The following SSUH2 variants were observed in gnomAD, a reference collection of about 807,000 sequenced individuals.
SSUH2 encodes the protein protein SSUH2 homolog.
In SSUH2, 47 loss-of-function variants were observed where a neutral mutation model predicts 55.3. That is an observed-to-expected ratio of 0.85 (90% CI 0.67 to 1.08). The LOEUF (loss-of-function observed/expected upper bound fraction) is 1.08, where lower values mean the gene tolerates loss of function less well. SSUH2 is among the 50% of genes least tolerant of loss of function. The pLI is 0.00. For missense variants in SSUH2, 535 were observed against 490.7 expected (o/e 1.09, Z -0.85); for synonymous variants, 212 against 191.5 (o/e 1.11, Z -0.89).
At chr3:8,679,050 G>GC (rs1230971897) in intron 2 of SSUH2, among the ~76,000 whole-genome samples, 19 of 108,534 alleles carry the variant, frequency 1.8e-4, no homozygotes, top group South Asian at 6.5e-4. Flanking sequence ...ACCAAACGCA[G>GC]GGGAGGAAGC....
At chr3:8,680,926 T>A (rs1575418031) in intron 1 of SSUH2, among the ~76,000 whole-genome samples, 1 of 152,118 alleles carries the variant, frequency 6.6e-6, no homozygotes, top group African/African-American at 2.4e-5. Flanking sequence ...ACAGGCTGGG[T>A]GAACACTGCC....
At chr3:8,657,984 G>GC (rs1311718570) in intron 7 of SSUH2, among the ~76,000 whole-genome samples, 1 of 152,240 alleles carries the variant, frequency 6.6e-6, no homozygotes, top group South Asian at 2.1e-4. Context: ...TCCAAGGCTG[G>GC]CCCTCCCTGT....
In SSUH2 at chr3:8,635,687, T is replaced by C. The variant is rs1376684218; in HGVS notation, c.127+72A>G. 5 of 1,367,304 alleles carry C rather than the reference T, an allele frequency of 3.7e-6. No individual in the cohort carries two copies. In the African/African-American group the frequency reaches 5.8e-5, roughly 16 times the overall value. 84.7% of individuals were successfully genotyped at this position (1,367,304 alleles called of 1,614,324 possible). On this transcript the variant is annotated intron_variant, in intron 2 of 11. Transcript: ENST00000544814. ...GGGAGCTATCTCAGCACCACCTTTT[T>C]CCCGAGACATCCCACCAACCAGCGT...
At chr3:8,664,834 C>T (rs1389364) in intron 5 of SSUH2, among the ~76,000 whole-genome samples, 89,888 of 152,074 alleles carry the variant, frequency 0.59, 29,131 homozygotes, top group East Asian at 0.79. Flanking sequence ...ACAACCTAAA[C>T]AGGTCATTAA....
intron 5 of SSUH2, among the ~76,000 whole-genome samples, chr3:8,667,524 T>C (rs1226674851): frequency 1.3e-5 from 2 of 152,180 alleles, no homozygotes; most frequent in South Asian, 2.1e-4. Context: ...TCTCACCCAT[T>C]TGATGGAGTC....
chr3:8,635,593 C>T (rs1699788627), intron 2 of SSUH2, among the ~76,000 whole-genome samples, 166 bp downstream of exon 2: 1 of 152,252 alleles, frequency 6.6e-6, no homozygotes, highest in East Asian at 1.9e-4. Context: ...GACAGAAGGC[C>T]TATGCCCCAT....
intron 6 of SSUH2, among the ~76,000 whole-genome samples, chr3:8,660,144 G>A (rs1703333267): frequency 6.6e-6 from 1 of 152,174 alleles, no homozygotes; most frequent in South Asian, 2.1e-4. Context: ...GCAGGGTTGG[G>A]GACCACACAG....
intron 1 of SSUH2, among the ~76,000 whole-genome samples, chr3:8,680,963 CT>C (rs1334649460): frequency 6.6e-6 from 1 of 152,084 alleles, no homozygotes; most frequent in Non-Finnish European, 1.5e-5. Context: ...TTATCATCCT[CT>C]CCCCCTCTTC....
At chr3:8,671,861 ATGC>A in intron 4 of SSUH2, 2 of 144,644 alleles carry the variant, frequency 1.4e-5, no homozygotes, top group Non-Finnish European at 3.0e-5. Flanking sequence ...GCCTCCCGCG[ATGC>A]GGGGAGTAAT....
In SSUH2 at chr3:8,619,638, GGAATGTGTATAGCT is replaced by G. The variant is rs1349810901; in HGVS notation, c.*216_*229del. On this transcript the variant is annotated 3_prime_UTR_variant, in exon 12 of 12. Transcript: ENST00000544814. ...AATTATTTCTCTCATTTGTTCTACAGGAATGTGTATAGCTGAATTATTGTAGGTTAAACATATGA... is the reference window on the plus strand; with the variant it reads ...AATTATTTCTCTCATTTGTTCTACAGGAATTATTGTAGGTTAAACATATGA... The G allele has an allele frequency of 2.4e-6, 1 of 425,268 alleles. No homozygotes were observed. The highest frequency in any genetic ancestry group is 4.1e-6 in the Non-Finnish European group (1 of 244,134). The allele number at this position is 425,268 out of a possible 1,614,324, so 26.3% of individuals were successfully genotyped here. A position where few individuals can be genotyped will look rare whatever the true frequency, so the allele number is the denominator to read the frequency against.
Position 8,633,718 on chromosome 3 carries a change from G to T in SSUH2, c.287C>A (p.Thr96Lys), listed in dbSNP as rs747080476. The change falls in exon 4 of 12, where the codon ACG becomes AAG. Residue 96 changes from threonine (T) to lysine (K), a missense_variant. Coordinates refer to ENST00000544814, the MANE Select transcript of SSUH2 (RefSeq NM_001256748.3). ...FVDSKCCYSS[T>K]VAGDLVIQEL... is the part of the protein sequence containing the mutation. Reference sequence around the variant, plus strand: ...CTGGATGACGAGGTCTCCAGCCACCGTGCTGCTGTAGCAGCACTTAGAGTC... The same window carrying T: ...CTGGATGACGAGGTCTCCAGCCACCTTGCTGCTGTAGCAGCACTTAGAGTC... The T allele has an allele frequency of 7.7e-6, 12 of 1,564,402 alleles. No homozygotes were observed. The East Asian group carries it at 2.5e-4, about 32-fold the overall frequency.
intron 5 of SSUH2, among the ~76,000 whole-genome samples, chr3:8,668,309 A>T (rs1704182623): frequency 6.6e-6 from 1 of 152,204 alleles, no homozygotes; most frequent in Admixed American, 6.5e-5. Flanking sequence ...GTTTTAAGAC[A>T]CTATTTTTCA....
intron 7 of SSUH2, among the ~76,000 whole-genome samples, chr3:8,651,444 C>T (rs753290764): frequency 6.6e-6 from 1 of 152,156 alleles, no homozygotes; most frequent in Non-Finnish European, 1.5e-5. Context: ...GCTCACATGG[C>T]AGTGAGTAGC....
chr3:8,634,905 G>A (rs1426711993), intron 3 of SSUH2, among the ~76,000 whole-genome samples: 4 of 152,196 alleles, frequency 2.6e-5, no homozygotes, highest in Admixed American at 2.0e-4. Flanking sequence ...GCCACATAGT[G>A]ATATTTGAGG....
At chr3:8,642,247 G>T (rs147721190) in intron 1 of SSUH2, among the ~76,000 whole-genome samples, 1 of 152,092 alleles carries the variant, frequency 6.6e-6, no homozygotes, top group Non-Finnish European at 1.5e-5. Context: ...TTTCTCTTCC[G>T]CTCTGTGCTA....
Position 8,634,510 on chromosome 3 carries a change from A to C in SSUH2, c.210-715T>G, listed in dbSNP as rs368106592. On this transcript the variant is annotated intron_variant, in intron 3 of 11. Coordinates refer to ENST00000544814, the MANE Select transcript of SSUH2 (RefSeq NM_001256748.3). ...GAGAGCCATTAATCCACAATTCTGCACACTTGTATCTCCAGCATCCTCCAG... is the reference window on the plus strand; with the variant it reads ...GAGAGCCATTAATCCACAATTCTGCCCACTTGTATCTCCAGCATCCTCCAG... 1.9e-5 allele frequency: 24 copies of C among 1,289,640 alleles called. No homozygotes were observed. The African/African-American group carries it at 3.5e-4, about 19-fold the overall frequency. The allele number at this position is 1,289,640 out of a possible 1,614,324, so 79.9% of individuals were successfully genotyped here.
At chr3:8,678,464 CT>C (rs1487712441) in intron 2 of SSUH2, among the ~76,000 whole-genome samples, 3 of 151,708 alleles carry the variant, frequency 2.0e-5, no homozygotes, top group East Asian at 1.9e-4. Flanking sequence ...CTATCCCCCC[CT>C]GGCTCTTAGG....
chr3:8,620,036 G>C lies in SSUH2; in HGVS notation c.982-22C>G, dbSNP rs749883665. The C allele has an allele frequency of 4.3e-6, 7 of 1,612,630 alleles. No individual in the cohort carries two copies. The African/African-American group carries it at 9.3e-5, about 22-fold the overall frequency. ...GGCGCTGAGGAAACAAATAGCCAAG[G>C]AAAATGTCAGTGTTCTGTTCAAGTC... On this transcript the variant is annotated intron_variant, in intron 11 of 11. Coordinates refer to ENST00000544814, the MANE Select transcript of SSUH2 (RefSeq NM_001256748.3).
At chr3:8,652,954 T>A (rs146118159) in intron 7 of SSUH2, among the ~76,000 whole-genome samples, 122 of 152,346 alleles carry the variant, frequency 8.0e-4, no homozygotes, top group African/African-American at 2.4e-3. Context: ...GGGAGGAGAC[T>A]GGGCTCCTCT....
Sources: allele counts gnomAD v4.1 joint callset (sites outside exome capture counted in the v4.1 genomes callset), GRCh38; gene constraint gnomAD v4.1.1; transcripts MANE v1.5; gene names NCBI Gene and HGNC (gene_info 2026-07-23, HGNC 2026-07-21).